The following ADARB1 variants were observed in gnomAD, a reference collection of about 807,000 sequenced individuals.
ADARB1 encodes the protein adenosine deaminase RNA specific B1.
A neutral mutation model predicts 52.4 loss-of-function variants in ADARB1; 10 were observed. The ratio of observed to expected loss-of-function variants is 0.19; its 90% CI spans 0.12 to 0.32. The LOEUF (loss-of-function observed/expected upper bound fraction) is 0.32, where lower values mean the gene tolerates loss of function less well. Among genes scored for constraint, ADARB1 ranks in the 10% least tolerant of loss-of-function variants. ADARB1 has a pLI of 1.00. For missense variants in ADARB1, 643 were observed against 922.3 expected (o/e 0.70, Z 3.92); for synonymous variants, 349 against 371.1 (o/e 0.94, Z 0.68).
intron 8 of ADARB1, among the ~76,000 whole-genome samples, chr21:45,199,676 G>A (rs2092507207): frequency 6.6e-6 from 1 of 152,166 alleles, no homozygotes; most frequent in Non-Finnish European, 1.5e-5. Flanking sequence ...ATAAAGAAAA[G>A]TGAATAAATT....
Position 45,172,976 on chromosome 21 carries a change from TGA to T in ADARB1, c.28+1295_28+1296del, listed in dbSNP as rs2091547904. On this transcript the variant is annotated intron_variant, in intron 3 of 10. Coordinates refer to ENST00000348831, the MANE Select transcript of ADARB1 (RefSeq NM_001112.4). This position sits in a 1 kb window ranked among gnomAD's most constrained non-coding sequence, Gnocchi z 4.4. Reference sequence around the variant, plus strand: ...AGAGGTTACGTCCATACTCCTCATTTGAGAAAATGTGACCTGTGCTTGGCCCG... The same window carrying T: ...AGAGGTTACGTCCATACTCCTCATTTGAAAATGTGACCTGTGCTTGGCCCG... Among the ~76,000 whole-genome samples the T allele has an allele frequency of 6.6e-6, 1 of 152,246 alleles. No homozygotes were observed.
In ADARB1 at chr21:45,176,661, G is replaced by T. The variant is rs1432945444; in HGVS notation, c.960G>T (p.Pro320=). The change falls in exon 4 of 11, where the codon CCG becomes CCT. Residue 320 remains proline (P), a synonymous_variant. Coordinates refer to ENST00000348831, the MANE Select transcript of ADARB1 (RefSeq NM_001112.4). This position sits in a 1 kb window ranked among gnomAD's most constrained non-coding sequence, Gnocchi z 5.8. The part of the protein sequence containing the change: ...IPSEGLQLHL[P]QVLADAVSRL... ...GTGAGGGTCTTCAGCTGCATTTACC[G>T]CAGGTGAGGAACTATGCTGCTGCTT... 1.9e-6 allele frequency: 3 copies of T among 1,604,594 alleles called. No individual in the cohort carries two copies. The highest frequency in any genetic ancestry group is 1.7e-5 in the Admixed American group (1 of 58,864).
intron 2 of ADARB1, among the ~76,000 whole-genome samples, chr21:45,138,088 A>G (rs1160110931): frequency 6.6e-6 from 1 of 152,172 alleles, no homozygotes; most frequent in Non-Finnish European, 1.5e-5. Flanking sequence ...CATTTTAGAT[A>G]TTTGTATTTC....
Position 45,107,877 on chromosome 21 carries a change from C to T in ADARB1, c.-219-20525C>T, listed in dbSNP as rs141634999. ...AAAATACTGCGACCAGCCTGGGCAA[C>T]ATGGCAAAACCTATTTTTACAAAAA... On this transcript the variant is annotated intron_variant, in intron 1 of 10. Transcript: ENST00000348831. Among the ~76,000 whole-genome samples the T allele has an allele frequency of 1.1e-3, 174 of 152,252 alleles. 2 individuals are homozygous for T. The highest frequency in any genetic ancestry group is 4.1e-3 in the African/African-American group (169 of 41,546).
chr21:45,142,058 C>T lies in ADARB1; in HGVS notation c.-48+13485C>T, dbSNP rs1212186489. Among the ~76,000 whole-genome samples, 1 of 152,154 alleles carries T rather than the reference C, an allele frequency of 6.6e-6. No individual in the cohort carries two copies. Among genetic ancestry groups the T allele is most frequent in the Non-Finnish European group, 1.5e-5 (1 of 68,018 alleles). ...GGCCACTGTAGCCACCTCTGGGTGT[C>T]CTTAGCCACCCCCGGGCCACCTTGG... On this transcript the variant is annotated intron_variant, in intron 2 of 10. Transcript: ENST00000348831. This position sits in a 1 kb window ranked among gnomAD's most constrained non-coding sequence, Gnocchi z 4.0.
intron 2 of ADARB1, among the ~76,000 whole-genome samples, chr21:45,136,530 G>T (rs1271238187): frequency 6.6e-6 from 1 of 152,254 alleles, no homozygotes; most frequent in Non-Finnish European, 1.5e-5. Flanking sequence ...CAGCGCTCAA[G>T]AGAGAATCAT....
chr21:45,134,889 C>T lies in ADARB1; in HGVS notation c.-48+6316C>T, dbSNP rs139882953. On this transcript the variant is annotated intron_variant, in intron 2 of 10. Coordinates refer to ENST00000348831, the MANE Select transcript of ADARB1 (RefSeq NM_001112.4). The stretch of plus-strand genomic sequence containing the variant: ...CACCCAGCACCACACCCCTGGCTGC[C>T]GTTGACAGCTGGGTGAGTCCCCTGC... 1,568 of 519,004 alleles carry T rather than the reference C, an allele frequency of 3.0e-3. 6 individuals are homozygous for T. The highest frequency in any genetic ancestry group is 0.017 in the Middle Eastern group (52 of 3,046). The allele number at this position is 519,004 out of a possible 1,614,324, so 32.1% of individuals were successfully genotyped here. A position where few individuals can be genotyped will look rare whatever the true frequency, so the allele number is the denominator to read the frequency against.
chr21:45,194,991 C>T (rs1199318150), intron 8 of ADARB1, among the ~76,000 whole-genome samples: 1 of 152,146 alleles, frequency 6.6e-6, no homozygotes, highest in African/African-American at 2.4e-5. Context: ...TCAGAAACTG[C>T]CAAACTGTCC....
rs1219312185 is a variant in ADARB1, at chr21:45,204,832, T to A, written c.1747+96T>A. 3 of 1,327,580 alleles carry A rather than the reference T, an allele frequency of 2.3e-6. No homozygotes were observed. The highest frequency in any genetic ancestry group is 2.1e-6 in the Non-Finnish European group (2 of 974,250). 82.2% of individuals were successfully genotyped at this position (1,327,580 alleles called of 1,614,324 possible). A position where few individuals can be genotyped will look rare whatever the true frequency, so the allele number is the denominator to read the frequency against. ...AAAAAACACCACCTGAGCTGCTCTG[T>A]GGCTATCAAAAGAACATCAGAGTCC... is the stretch of plus-strand genomic sequence containing the variant. On this transcript the variant is annotated intron_variant, in intron 9 of 10. Coordinates refer to ENST00000348831, the MANE Select transcript of ADARB1 (RefSeq NM_001112.4). This position sits in a 1 kb window ranked among gnomAD's most constrained non-coding sequence, Gnocchi z 4.4.
In ADARB1 at chr21:45,225,115, A is replaced by C; in HGVS notation, c.*2918A>C. 2.0e-6 allele frequency: 2 copies of C among 999,662 alleles called. No homozygotes were observed. The highest frequency in any genetic ancestry group is 2.4e-6 in the Non-Finnish European group (2 of 840,112). 61.9% of individuals were successfully genotyped at this position (999,662 alleles called of 1,614,324 possible). ...TTTGTTAACTAAACCTGAAGTATTA[A>C]TTCCACAAAGACACTGTCCCTCAGG... On this transcript the variant is annotated 3_prime_UTR_variant, in exon 11 of 11. Transcript: ENST00000348831.
intron 3 of ADARB1, among the ~76,000 whole-genome samples, chr21:45,174,627 C>T (rs923936302): frequency 1.4e-4 from 21 of 152,056 alleles, no homozygotes; most frequent in Admixed American, 4.6e-4. Flanking sequence ...CACTTGAACC[C>T]GGGAGGTGGA....
intron 2 of ADARB1, among the ~76,000 whole-genome samples, chr21:45,134,272 TGTGTGCACCCGACGGGG>T (rs2089203832): frequency 1.1e-5 from 1 of 91,574 alleles, no homozygotes; most frequent in Non-Finnish European, 2.2e-5. Context: ...CCGACAGTGG[TGTGTGCACCCGACGGGG>T]GTGTGTGCCC....
chr21:45,111,482 A>G (rs1385576734), intron 1 of ADARB1, among the ~76,000 whole-genome samples: 1 of 152,034 alleles, frequency 6.6e-6, no homozygotes, highest in East Asian at 1.9e-4. Context: ...CCCAGAGTTC[A>G]TGGTTTCCAT....
Position 45,196,296 on chromosome 21 carries a change from GA to G in ADARB1, c.1566-8248del, listed in dbSNP as rs1187460241. 7.6e-4 allele frequency among the ~76,000 whole-genome samples: 106 copies of G among 140,266 alleles called. No homozygotes were observed. The East Asian group carries it at 8.2e-3, about 11-fold the overall frequency. 92.0% of individuals were successfully genotyped at this position (140,266 alleles called of 152,430 possible). ...TGAAATAAGTGGATATCCCTGTGCA[GA>G]AAAAAAAAAAGCAAAAAAAATCAAG... On this transcript the variant is annotated intron_variant, in intron 8 of 10. Coordinates refer to ENST00000348831, the MANE Select transcript of ADARB1 (RefSeq NM_001112.4).
At chr21:45,078,184 G>A (rs1157516700) in intron 1 of ADARB1, among the ~76,000 whole-genome samples, 1 of 152,190 alleles carries the variant, frequency 6.6e-6, no homozygotes, top group East Asian at 1.9e-4. Flanking sequence ...TGATGGAACA[G>A]GAAGGGGGAT....
intron 1 of ADARB1, among the ~76,000 whole-genome samples, chr21:45,109,197 A>G (rs431560): frequency 0.017 from 688 of 40,860 alleles, 5 homozygotes; most frequent in Non-Finnish European, 0.037. Context: ...ATGTGTGTGC[A>G]CGTGTGTTTG....
Position 45,221,065 on chromosome 21 carries a change from T to C in ADARB1, c.1926+51T>C. On this transcript the variant is annotated intron_variant, in intron 10 of 10. Coordinates refer to ENST00000348831, the MANE Select transcript of ADARB1 (RefSeq NM_001112.4). The surrounding 1 kb of genome is among the most constrained non-coding windows in gnomAD (Gnocchi z 4.9). Reference sequence around the variant, plus strand: ...CGCCGGCTCCACCTCCCCAATAGCTTGTCTGTCCTCACACCTACTGTTCCT... The same window carrying C: ...CGCCGGCTCCACCTCCCCAATAGCTCGTCTGTCCTCACACCTACTGTTCCT... 13 of 1,545,024 alleles carry C rather than the reference T, an allele frequency of 8.4e-6. No individual in the cohort carries two copies. The highest frequency in any genetic ancestry group is 1.1e-5 in the Non-Finnish European group (13 of 1,142,118).
chr21:45,140,637 G>GTGTA (rs1029996425), intron 2 of ADARB1, among the ~76,000 whole-genome samples: 1 of 152,164 alleles, frequency 6.6e-6, no homozygotes. Context: ...GTGTGCGTGA[G>GTGTA]TGTATGTGTG....
intron 1 of ADARB1, among the ~76,000 whole-genome samples, chr21:45,122,733 G>T (rs761130511): frequency 4.6e-5 from 7 of 152,206 alleles, no homozygotes; most frequent in Non-Finnish European, 5.9e-5. Context: ...ATGGCTCAAG[G>T]CAAATGGAGA....
Sources: allele counts gnomAD v4.1 joint callset (sites outside exome capture counted in the v4.1 genomes callset), GRCh38; gene constraint gnomAD v4.1.1; non-coding constraint Gnocchi (gnomAD v3.1); transcripts MANE v1.5; gene names NCBI Gene and HGNC (gene_info 2026-07-23, HGNC 2026-07-21).